The following RIPOR2 variants were observed in gnomAD, a reference collection of about 807,000 sequenced individuals.
RIPOR2 encodes the protein rho family-interacting cell polarization regulator 2.
RIPOR2 carries 39 observed loss-of-function variants against 114.5 expected under a neutral mutation model. The ratio of observed to expected loss-of-function variants is 0.34; its 90% CI spans 0.26 to 0.44. The LOEUF is 0.44. Ranked by LOEUF, RIPOR2 falls within the 20% of genes least tolerant of loss-of-function variation. RIPOR2 has a pLI of 1.00. For synonymous variants in RIPOR2, 445 were observed against 484.4 expected (o/e 0.92, Z 1.07); for missense variants, 1,007 against 1,255.1 (o/e 0.80, Z 2.99).
At chr6:24,974,535 A>C (rs1773946404) in intron 1 of RIPOR2, among the ~76,000 whole-genome samples, 1 of 152,246 alleles carries the variant, frequency 6.6e-6, no homozygotes, top group South Asian at 2.1e-4. Flanking sequence ...GAAGATGTGG[A>C]GAAACTGGAG....
At chr6:24,901,630 A>G (rs1488834127) in intron 1 of RIPOR2, among the ~76,000 whole-genome samples, 1 of 152,198 alleles carries the variant, frequency 6.6e-6, no homozygotes, top group Non-Finnish European at 1.5e-5. Flanking sequence ...CCAAGTGTCC[A>G]ACTGAGGACA....
chr6:25,007,374 T>G (rs1238141311), intron 1 of RIPOR2, among the ~76,000 whole-genome samples: 1 of 152,126 alleles, frequency 6.6e-6, no homozygotes, highest in Non-Finnish European at 1.5e-5. Flanking sequence ...TGATTCATTT[T>G]CACATTCTCA....
At chr6:24,978,221 T>G (rs963891377) in intron 1 of RIPOR2, among the ~76,000 whole-genome samples, 5 of 152,176 alleles carry the variant, frequency 3.3e-5, no homozygotes, top group South Asian at 2.1e-4. Context: ...TGCAGAAATA[T>G]TTTTGTTAAG....
rs1233193249 is a variant in RIPOR2, at chr6:24,846,301, C to CTTTTT, written c.1164+1719_1164+1723dup. 1.3e-4 allele frequency among the ~76,000 whole-genome samples: 12 copies of CTTTTT among 91,718 alleles called. 1 individual carries two copies. The highest frequency in any genetic ancestry group is 4.1e-4 in the East Asian group (1 of 2,410). The allele number at this position is 91,718 out of a possible 152,430, so 60.2% of individuals were successfully genotyped here. On this transcript the variant is annotated intron_variant, in intron 12 of 21. Transcript: ENST00000643898. ...GTTTAGCCTGGTCCTTTTCACCTGCCTTTTTTTTTTTTTTTTTTTTTTTGA... is the reference window on the plus strand; with the variant it reads ...GTTTAGCCTGGTCCTTTTCACCTGCCTTTTTTTTTTTTTTTTTTTTTTTTTTTTGA...
At chr6:24,941,125 C>T (rs991022132) in intron 1 of RIPOR2, among the ~76,000 whole-genome samples, 1 of 152,154 alleles carries the variant, frequency 6.6e-6, no homozygotes, top group Non-Finnish European at 1.5e-5. Flanking sequence ...GCAGGAGCCA[C>T]ACTTAGAGTC....
chr6:25,029,156 C>A (rs184221537), intron 1 of RIPOR2, among the ~76,000 whole-genome samples: 1 of 152,014 alleles, frequency 6.6e-6, no homozygotes, highest in Admixed American at 6.6e-5. Flanking sequence ...GGCATGGTGG[C>A]GCGCATCTGT....
At chr6:24,997,744 T>C (rs137918426) in intron 1 of RIPOR2, among the ~76,000 whole-genome samples, 1 of 152,304 alleles carries the variant, frequency 6.6e-6, no homozygotes, top group East Asian at 1.9e-4. Context: ...GTAGCATCCT[T>C]TGCAAGACCC....
exon 1 of RIPOR2, chr6:25,041,918 T>TAAC: frequency 1.4e-6 from 1 of 702,698 alleles, no homozygotes; most frequent in Non-Finnish European, 2.6e-6. Flanking sequence ...ATCGCGAAGG[T>TAAC]AACACCATGG....
At chr6:24,899,190 G>A (rs1052166762) in intron 1 of RIPOR2, among the ~76,000 whole-genome samples, 17 of 152,012 alleles carry the variant, frequency 1.1e-4, no homozygotes, top group African/African-American at 2.9e-4. Flanking sequence ...GATCATTACC[G>A]TAAATCTCCC....
intron 13 of RIPOR2, among the ~76,000 whole-genome samples, chr6:24,842,634 A>G (rs1428268515): frequency 1.3e-5 from 2 of 152,202 alleles, no homozygotes; most frequent in Non-Finnish European, 2.9e-5. Flanking sequence ...AACATTCTCT[A>G]GAGCTCTTTG....
intron 1 of RIPOR2, among the ~76,000 whole-genome samples, chr6:25,018,509 A>G (rs986034136): frequency 2.6e-5 from 4 of 152,196 alleles, no homozygotes; most frequent in Admixed American, 2.6e-4. Context: ...CTCCTTAACC[A>G]ATTGTTTGAT....
chr6:24,837,228 T>G (rs1273275796), intron 14 of RIPOR2, among the ~76,000 whole-genome samples: 2 of 152,112 alleles, frequency 1.3e-5, no homozygotes, highest in African/African-American at 4.8e-5. Context: ...GTTCAAGCCA[T>G]TCTCCCACCT....
intron 1 of RIPOR2, among the ~76,000 whole-genome samples, chr6:25,035,223 T>C (rs537099359): frequency 6.6e-6 from 1 of 152,294 alleles, no homozygotes; most frequent in South Asian, 2.1e-4. Flanking sequence ...ACTTAGCAGG[T>C]GTCTAGACTG....
intron 1 of RIPOR2, among the ~76,000 whole-genome samples, chr6:24,898,954 T>G (rs1768150233): frequency 2.1e-5 from 3 of 142,668 alleles, no homozygotes; most frequent in Non-Finnish European, 1.5e-5. Context: ...GGAGTAGTTT[T>G]TTTTTTTTTT....
At chr6:24,928,321 C>T (rs1385285419) in intron 1 of RIPOR2, among the ~76,000 whole-genome samples, 1 of 152,084 alleles carries the variant, frequency 6.6e-6, no homozygotes, top group African/African-American at 2.4e-5. Context: ...TTATTTGAGT[C>T]TTTGGTATAT....
At position 24,928,707 on chromosome 6, in the gene RIPOR2, G is replaced by A. The variant is rs376346031; in HGVS notation, c.61+7131C>T. Among the ~76,000 whole-genome samples, 14 of 152,260 alleles carry A rather than the reference G, an allele frequency of 9.2e-5. No homozygotes were observed. The East Asian group carries it at 1.3e-3, about 15-fold the overall frequency. On this transcript the variant is annotated intron_variant, in intron 1 of 21. Coordinates refer to ENST00000643898, the MANE Select transcript of RIPOR2 (RefSeq NM_001286445.3). ...TAGCACCATAACCTCATCACTTTCC[G>A]GAAGGCAGCAACGTCTTTCTTCTCT...
intron 1 of RIPOR2, among the ~76,000 whole-genome samples, chr6:25,038,217 C>T (rs150265637): frequency 9.2e-5 from 14 of 152,272 alleles, no homozygotes; most frequent in African/African-American, 2.9e-4. Flanking sequence ...AGCTCAAAAT[C>T]GAAGTTCTAT....
intron 5 of RIPOR2, among the ~76,000 whole-genome samples, chr6:24,869,976 A>C (rs1257402986): frequency 1.3e-5 from 2 of 152,200 alleles, no homozygotes; most frequent in Non-Finnish European, 2.9e-5. Context: ...AAATGTCTTC[A>C]AAAAGAACAC....
In RIPOR2 at chr6:24,843,199, G is replaced by A. The variant is rs1450938229; in HGVS notation, c.1520C>T (p.Ala507Val). The A allele has an allele frequency of 1.2e-6, 2 of 1,613,894 alleles. No individual in the cohort carries two copies. Among genetic ancestry groups the A allele is most frequent in the Non-Finnish European group, 1.7e-6 (2 of 1,179,880 alleles). Residue 507 changes from alanine (A) to valine (V), a missense_variant, in exon 13 of 22, where the codon GCT (alanine) becomes GTT (valine). Physicochemically the swap from Ala to Val is moderately conservative, Grantham distance 64. Transcript: ENST00000643898. ...ATCATTCTCAAGGAACAGGTGCTCA[G>A]CCCCAGCACCTGAGGACTGTCGGCG... ...ACRRQSSGAG[A>V]EHLFLENDVA... is the part of the protein sequence containing the mutation.
Sources: gnomAD v4.1 joint callset for allele counts (sites outside exome capture counted in the v4.1 genomes callset) on GRCh38, gnomAD v4.1.1 for gene constraint, MANE v1.5 for transcripts, NCBI Gene and HGNC (gene_info 2026-07-23, HGNC 2026-07-21) for gene names.